Variants in EPB41L4B observed in about 807,000 individuals in gnomAD.
The protein encoded by EPB41L4B is erythrocyte membrane protein band 4.1 like 4B, also known as band 4.1-like protein 4B.
EPB41L4B carries 30 observed loss-of-function variants against 112.5 expected under a neutral mutation model. That is an observed-to-expected ratio of 0.27 (90% CI 0.20 to 0.36). EPB41L4B has a LOEUF of 0.36. EPB41L4B is among the 10% of genes least tolerant of loss of function. The pLI is 1.00. For missense variants in EPB41L4B, 1,024 were observed against 1,133.3 expected (o/e 0.90, Z 1.38); for synonymous variants, 408 against 439.7 (o/e 0.93, Z 0.90).
At chr9:109,272,712 C>G (rs1283952379) in intron 2 of EPB41L4B, among the ~76,000 whole-genome samples, 1 of 151,234 alleles carries the variant, frequency 6.6e-6, no homozygotes. Context: ...GAGATCACAC[C>G]ACTGTACTCC....
At chr9:109,198,073 G>A (rs1310613301) in intron 20 of EPB41L4B, among the ~76,000 whole-genome samples, 2 of 152,174 alleles carry the variant, frequency 1.3e-5, no homozygotes, top group Admixed American at 6.5e-5. Flanking sequence ...AACTTTACTC[G>A]TTTTGGCTTT....
Position 109,263,236 on chromosome 9 carries a change from C to T in EPB41L4B, c.579-134G>A, listed in dbSNP as rs112704481. 8.6e-3 allele frequency: 5,647 copies of T among 656,728 alleles called. 135 individuals carry two copies. The highest frequency in any genetic ancestry group is 0.049 in the African/African-American group (2,678 of 54,582). 40.7% of individuals were successfully genotyped at this position (656,728 alleles called of 1,614,324 possible). A position where few individuals can be genotyped will look rare whatever the true frequency, so the allele number is the denominator to read the frequency against. On this transcript the variant is annotated intron_variant, in intron 5 of 25. Coordinates refer to ENST00000374566, the MANE Select transcript of EPB41L4B (RefSeq NM_019114.5). ...GTATTCTTAGTCATATTTTTGCTGT[C>T]TACATTAAAGAATGCAACAAGCGAC...
chr9:109,242,645 C>CA (rs1834392905), intron 15 of EPB41L4B, among the ~76,000 whole-genome samples: 1 of 151,874 alleles, frequency 6.6e-6, no homozygotes, highest in African/African-American at 2.4e-5. Context: ...CCCCAACAAA[C>CA]TTTTTTTTGG....
At chr9:109,279,973 GA>G (rs765815403) in intron 1 of EPB41L4B, 52 bp from the exon 2 acceptor site, 75 of 1,386,074 alleles carry the variant, frequency 5.4e-5, no homozygotes, top group African/African-American at 2.9e-4. Context: ...AGCTAGATAA[GA>G]AAAAAAAGGT....
chr9:109,213,241 G>A (rs1833245550), intron 17 of EPB41L4B, among the ~76,000 whole-genome samples: 1 of 152,216 alleles, frequency 6.6e-6, no homozygotes. Flanking sequence ...CTCTTTGGAT[G>A]TAAGAATAGG....
chr9:109,252,767 C>G (rs888317192), intron 12 of EPB41L4B, among the ~76,000 whole-genome samples: 3 of 152,030 alleles, frequency 2.0e-5, no homozygotes, highest in African/African-American at 7.2e-5. Flanking sequence ...CGGGGAGCAA[C>G]CTAGTGTAGA....
chr9:109,191,673 A>T (rs189280248), intron 22 of EPB41L4B, among the ~76,000 whole-genome samples: 40 of 152,146 alleles, frequency 2.6e-4, no homozygotes, highest in African/African-American at 9.2e-4. Context: ...CAACACAATG[A>T]TCTCTAAGGG....
chr9:109,298,228 T>C (rs762150994), intron 1 of EPB41L4B, among the ~76,000 whole-genome samples: 3 of 152,142 alleles, frequency 2.0e-5, no homozygotes, highest in African/African-American at 4.8e-5. Context: ...CTACTGTGAA[T>C]AGAATCTTGA....
intron 14 of EPB41L4B, among the ~76,000 whole-genome samples, chr9:109,245,336 C>G (rs890882115): frequency 6.6e-6 from 1 of 152,178 alleles, no homozygotes; most frequent in African/African-American, 2.4e-5. Flanking sequence ...TCAGATTCAT[C>G]AGAGAGAGAG....
chr9:109,244,091 A>C (rs1449259751), intron 14 of EPB41L4B, among the ~76,000 whole-genome samples: 2 of 152,250 alleles, frequency 1.3e-5, no homozygotes, highest in African/African-American at 4.8e-5. Context: ...GTCATTGCTG[A>C]AAATGACAAT....
intron 15 of EPB41L4B, among the ~76,000 whole-genome samples, chr9:109,230,091 A>C (rs1833904760): frequency 6.6e-6 from 1 of 152,140 alleles, no homozygotes; most frequent in Non-Finnish European, 1.5e-5. Context: ...AGAGCAAAAA[A>C]CCCCAAAATC....
At chr9:109,248,605 G>A (rs1191091686) in intron 13 of EPB41L4B, among the ~76,000 whole-genome samples, 4 of 152,050 alleles carry the variant, frequency 2.6e-5, no homozygotes, top group African/African-American at 7.2e-5. Context: ...ATCCTATTTC[G>A]ATGGAATCTT....
At chr9:109,216,265 G>A (rs1833362938) in intron 16 of EPB41L4B, among the ~76,000 whole-genome samples, 1 of 152,126 alleles carries the variant, frequency 6.6e-6, no homozygotes, top group African/African-American at 2.4e-5. Flanking sequence ...AGCACTTTGG[G>A]ATTTTTTTCG....
chr9:109,220,033 G>A (rs1397252922), intron 15 of EPB41L4B, among the ~76,000 whole-genome samples: 1 of 152,158 alleles, frequency 6.6e-6, no homozygotes, highest in Non-Finnish European at 1.5e-5. Context: ...TTAGCTCCTG[G>A]TTCCAGCCAC....
intron 15 of EPB41L4B, among the ~76,000 whole-genome samples, chr9:109,219,419 G>A (rs1005494839): frequency 6.6e-6 from 1 of 152,106 alleles, no homozygotes. Context: ...AGAGTGCAGT[G>A]GCGCGATCTC....
chr9:109,302,302 A>G (rs1836999792), intron 1 of EPB41L4B, among the ~76,000 whole-genome samples: 1 of 152,174 alleles, frequency 6.6e-6, no homozygotes, highest in African/African-American at 2.4e-5. Context: ...CTTGGCTGGT[A>G]GATGGTCGTC....
intron 1 of EPB41L4B, among the ~76,000 whole-genome samples, chr9:109,301,654 T>C (rs1350380427): frequency 2.0e-5 from 3 of 152,216 alleles, no homozygotes; most frequent in Non-Finnish European, 4.4e-5. Context: ...GTATAATGCA[T>C]ATGAATTAAA....
chr9:109,221,412 A>C (rs1833568973), intron 15 of EPB41L4B, among the ~76,000 whole-genome samples: 1 of 152,292 alleles, frequency 6.6e-6, no homozygotes, highest in East Asian at 1.9e-4. Flanking sequence ...TAACAGAGAA[A>C]ATTCCCCTTT....
intron 15 of EPB41L4B, among the ~76,000 whole-genome samples, chr9:109,217,566 T>A (rs1404265951): frequency 6.6e-6 from 1 of 152,162 alleles, no homozygotes; most frequent in Non-Finnish European, 1.5e-5. Context: ...CCAGTTAACA[T>A]CAGTGCTGCA....
Sources: gnomAD v4.1 joint callset for allele counts (sites outside exome capture counted in the v4.1 genomes callset) on GRCh38, gnomAD v4.1.1 for gene constraint, MANE v1.5 for transcripts, NCBI Gene and HGNC (gene_info 2026-07-23, HGNC 2026-07-21) for gene names.